TMEM108: variants seen among roughly 807,000 people sequenced by gnomAD.
The protein encoded by TMEM108 is cancer/testis antigen 124.
TMEM108 carries 12 observed loss-of-function variants against 35.1 expected under a neutral mutation model. The observed-to-expected ratio is 0.34, with a 90% CI of 0.22 to 0.55. TMEM108 has a LOEUF of 0.55. Ranked by LOEUF, TMEM108 falls within the 20% of genes least tolerant of loss-of-function variation. The pLI is 0.89. For synonymous variants in TMEM108, 287 were observed against 308.6 expected, an observed-to-expected ratio of 0.93 and a Z score of 0.73; for missense variants, 680 against 753.3, an observed-to-expected ratio of 0.90 and a Z score of 1.14.
At chr3:133,288,092 G>A (rs576225634) in intron 3 of TMEM108, among the ~76,000 whole-genome samples, 9 of 152,116 alleles carry the variant, frequency 5.9e-5, no homozygotes, top group Non-Finnish European at 1.2e-4. Context: ...AAGAGCATTT[G>A]TTTCTTGCCC....
At chr3:133,272,168 T>C (rs1946779788) in intron 3 of TMEM108, among the ~76,000 whole-genome samples, 1 of 152,046 alleles carries the variant, frequency 6.6e-6, no homozygotes, top group South Asian at 2.1e-4. Flanking sequence ...AGACTTTTTC[T>C]CTTAGGCATC....
At chr3:133,288,527 G>A (rs567640760) in intron 3 of TMEM108, among the ~76,000 whole-genome samples, 11 of 152,238 alleles carry the variant, frequency 7.2e-5, no homozygotes, top group East Asian at 3.9e-4. Flanking sequence ...CTAGTGGTAC[G>A]TGCATTTGCA....
At chr3:133,390,916 C>A (rs1027407150) in intron 5 of TMEM108, among the ~76,000 whole-genome samples, 1 of 152,196 alleles carries the variant, frequency 6.6e-6, no homozygotes, top group East Asian at 1.9e-4. Flanking sequence ...AATACACTGT[C>A]AGCATATTTG....
intron 2 of TMEM108, among the ~76,000 whole-genome samples, chr3:133,174,331 G>T (rs140467509): frequency 6.6e-6 from 1 of 152,178 alleles, no homozygotes. Context: ...AGAGAGTAGA[G>T]GTTCTCTGAG....
intron 3 of TMEM108, among the ~76,000 whole-genome samples, chr3:133,264,803 G>GTAAGCCT (rs1946674364): frequency 2.0e-5 from 3 of 152,154 alleles, no homozygotes; most frequent in African/African-American, 7.2e-5. Context: ...GCTTACTGAA[G>GTAAGCCT]GGACCAAATG....
chr3:133,124,525 A>G (rs1322458895), intron 2 of TMEM108, among the ~76,000 whole-genome samples: 2 of 152,184 alleles, frequency 1.3e-5, no homozygotes, highest in African/African-American at 4.8e-5. Flanking sequence ...AAGAGGCTCC[A>G]GTTTGCCCAA....
intron 3 of TMEM108, among the ~76,000 whole-genome samples, chr3:133,281,203 C>CA (rs558713485): frequency 6.6e-6 from 1 of 151,464 alleles, no homozygotes; most frequent in Non-Finnish European, 1.5e-5. Context: ...AACTGCAGGG[C>CA]AAAAAAAGAG....
intron 2 of TMEM108, among the ~76,000 whole-genome samples, chr3:133,142,136 A>G (rs1363619601): frequency 6.6e-6 from 1 of 152,186 alleles, no homozygotes; most frequent in African/African-American, 2.4e-5. Context: ...GTCCCCAGTT[A>G]AGAACGGCTG....
chr3:133,362,569 G>A (rs140256850), intron 3 of TMEM108, among the ~76,000 whole-genome samples: 9 of 152,316 alleles, frequency 5.9e-5, no homozygotes, highest in African/African-American at 2.2e-4. Context: ...TCATTTGGTA[G>A]GAGCCCAAAA....
intron 2 of TMEM108, among the ~76,000 whole-genome samples, chr3:133,177,273 C>T (rs528208482): frequency 6.6e-6 from 1 of 152,114 alleles, no homozygotes; most frequent in Non-Finnish European, 1.5e-5. Flanking sequence ...TGAAACTATT[C>T]CAATCAATAG....
chr3:133,172,140 T>C (rs1455862232), intron 2 of TMEM108, among the ~76,000 whole-genome samples: 2 of 152,132 alleles, frequency 1.3e-5, no homozygotes, highest in Non-Finnish European at 2.9e-5. Flanking sequence ...ATTGTCCTCA[T>C]GTTTTCATTT....
chr3:133,274,770 AG>A (rs879430147), intron 3 of TMEM108, among the ~76,000 whole-genome samples: 16 of 152,292 alleles, frequency 1.1e-4, no homozygotes, highest in Non-Finnish European at 2.1e-4. Context: ...CCTTGGGTCA[AG>A]GGGTCATATT....
At chr3:133,190,903 A>G (rs1229818479) in intron 2 of TMEM108, among the ~76,000 whole-genome samples, 2 of 152,142 alleles carry the variant, frequency 1.3e-5, no homozygotes, top group Non-Finnish European at 2.9e-5. Flanking sequence ...CTATATGAGG[A>G]TCTAAACTAA....
intron 2 of TMEM108, among the ~76,000 whole-genome samples, chr3:133,228,029 A>G (rs938624356): frequency 3.9e-5 from 6 of 152,202 alleles, no homozygotes; most frequent in Non-Finnish European, 8.8e-5. Flanking sequence ...AGGAGGGGAA[A>G]TTGGGGAGTG....
intron 2 of TMEM108, among the ~76,000 whole-genome samples, chr3:133,158,591 A>G (rs1030387707): frequency 6.6e-6 from 1 of 152,114 alleles, no homozygotes. Context: ...AAAAAATGCC[A>G]GAGTCAAAGA....
chr3:133,242,715 A>G (rs1946330545), intron 3 of TMEM108, among the ~76,000 whole-genome samples: 1 of 152,198 alleles, frequency 6.6e-6, no homozygotes, highest in Non-Finnish European at 1.5e-5. Context: ...TGATGAGAAG[A>G]GGCAAGAATG....
chr3:133,276,683 G>T (rs567263242), intron 3 of TMEM108, among the ~76,000 whole-genome samples: 27 of 152,286 alleles, frequency 1.8e-4, no homozygotes, highest in Admixed American at 8.5e-4. Context: ...GGGGTGGGAA[G>T]TGGTGGGCGT....
At position 133,128,025 on chromosome 3, in the gene TMEM108, A is replaced by G. The variant is rs1162665693; in HGVS notation, c.-47+82005A>G. 2.6e-5 allele frequency among the ~76,000 whole-genome samples: 4 copies of G among 152,256 alleles called. No individual in the cohort carries two copies. In the East Asian group the frequency reaches 7.7e-4, roughly 29 times the overall value. On this transcript the variant is annotated intron_variant, in intron 2 of 5. Transcript: ENST00000321871. ...CAGACCTGTGAAACTTAAAGAACTT[A>G]TCTGTTCCCTAAAGAGGAAGAATTA...
At chr3:133,076,625 A>G (rs1189017015) in intron 2 of TMEM108, among the ~76,000 whole-genome samples, 1 of 152,238 alleles carries the variant, frequency 6.6e-6, no homozygotes, top group Non-Finnish European at 1.5e-5. Flanking sequence ...CTTCCACTTT[A>G]AATTATTCTC....
Sources: allele counts gnomAD v4.1 joint callset (sites outside exome capture counted in the v4.1 genomes callset), GRCh38; gene constraint gnomAD v4.1.1; transcripts MANE v1.5; gene names NCBI Gene and HGNC (gene_info 2026-07-23, HGNC 2026-07-21).